Variants in THADA observed in about 807,000 individuals in gnomAD.
THADA encodes tRNA (32-2'-O)-methyltransferase regulator THADA.
Under a neutral mutation model 219.8 loss-of-function variants are expected in THADA, and 213 were observed. The observed-to-expected ratio is 0.97, with a 90% CI of 0.87 to 1.09. The LOEUF (loss-of-function observed/expected upper bound fraction) is 1.09, where lower values mean the gene tolerates loss of function less well. Ranked by LOEUF, THADA falls within the 50% of genes least tolerant of loss-of-function variation. THADA has a pLI of 0.00. For missense variants in THADA, 2,956 were observed against 2,311.3 expected (o/e 1.28, Z -5.72); for synonymous variants, 1,018 against 828.9 (o/e 1.23, Z -3.92).
At chr2:43,399,408 A>G (rs1435174524) in intron 28 of THADA, among the ~76,000 whole-genome samples, 3 of 152,228 alleles carry the variant, frequency 2.0e-5, no homozygotes, top group Non-Finnish European at 4.4e-5. Context: ...GCCCTACAAT[A>G]GCAATGTTTC....
intron 29 of THADA, among the ~76,000 whole-genome samples, chr2:43,382,531 C>A (rs771556990): frequency 7.2e-5 from 11 of 151,890 alleles, no homozygotes; most frequent in Non-Finnish European, 1.6e-4. Context: ...CAAGAAATAC[C>A]AAGCAAAAGA....
chr2:43,592,460 A>G lies in THADA; in HGVS notation c.-24-44T>C. 1.5e-5 allele frequency: 17 copies of G among 1,152,276 alleles called. No individual in the cohort carries two copies. In the South Asian group the frequency reaches 2.2e-4, roughly 15 times the overall value. The allele number at this position is 1,152,276 out of a possible 1,614,324, so 71.4% of individuals were successfully genotyped here. A position where few individuals can be genotyped will look rare whatever the true frequency, so the allele number is the denominator to read the frequency against. ...TAAGGCATTAATGTAAGGTTTCTCA[A>G]CCTCAGCACTATGATTTTTGGCTGG... On this transcript the variant is annotated intron_variant, in intron 1 of 37. Transcript: ENST00000405975.
At chr2:43,360,052 T>G (rs10209184) in intron 29 of THADA, among the ~76,000 whole-genome samples, 1,674 of 152,156 alleles carry the variant, frequency 0.011, 27 homozygotes, top group African/African-American at 0.038. Context: ...CAAAGTGCAA[T>G]TATCAGTCTA....
At chr2:43,335,106 TG>T (rs1337090589) in intron 30 of THADA, among the ~76,000 whole-genome samples, 3 of 152,136 alleles carry the variant, frequency 2.0e-5, no homozygotes, top group African/African-American at 7.2e-5. Context: ...CCCTGGGAGC[TG>T]GTCAAAATGG....
chr2:43,285,472 G>A (rs900193065), intron 35 of THADA, among the ~76,000 whole-genome samples: 3 of 152,088 alleles, frequency 2.0e-5, no homozygotes, highest in East Asian at 3.9e-4. Context: ...TAATTGTTAA[G>A]TTTCCTGAGG....
intron 22 of THADA, among the ~76,000 whole-genome samples, chr2:43,520,713 T>TATATATATACACACACACACAC (rs1218079783): frequency 8.0e-6 from 1 of 125,050 alleles, no homozygotes; most frequent in African/African-American, 3.0e-5. Flanking sequence ...TATATATATA[T>TATATATATACACACACACACAC]ACACACACAC....
At chr2:43,314,726 C>T (rs1677882560) in intron 31 of THADA, among the ~76,000 whole-genome samples, 1 of 152,174 alleles carries the variant, frequency 6.6e-6, no homozygotes, top group Non-Finnish European at 1.5e-5. Context: ...TCAACTACAA[C>T]TGGACACTAT....
chr2:43,458,628 C>A (rs190031794), intron 26 of THADA, among the ~76,000 whole-genome samples: 3 of 152,278 alleles, frequency 2.0e-5, no homozygotes, highest in Non-Finnish European at 4.4e-5. Context: ...TGATCACCAA[C>A]ATTTTCATCC....
intron 28 of THADA, among the ~76,000 whole-genome samples, chr2:43,419,022 C>T (rs1488477553): frequency 6.6e-6 from 1 of 152,148 alleles, no homozygotes; most frequent in African/African-American, 2.4e-5. Flanking sequence ...CACAGACCAC[C>T]TTTTCCTAGA....
chr2:43,571,558 G>T, intron 13 of THADA, 149 bp downstream of exon 13: 1 of 672,134 alleles, frequency 1.5e-6, no homozygotes, highest in Non-Finnish European at 2.4e-6. Context: ...TGGAATGAGA[G>T]AACAGGTCAC....
chr2:43,504,080 A>T (rs1382346613), intron 24 of THADA, among the ~76,000 whole-genome samples: 1 of 152,188 alleles, frequency 6.6e-6, no homozygotes, highest in South Asian at 2.1e-4. Flanking sequence ...ATAAAAAAAA[A>T]AACTGAACTC....
intron 26 of THADA, among the ~76,000 whole-genome samples, chr2:43,435,465 G>A (rs1340967044): frequency 7.2e-6 from 1 of 138,842 alleles, no homozygotes; most frequent in African/African-American, 2.6e-5. Flanking sequence ...AGGAAGGGAG[G>A]AAGGAAGGGA....
At chr2:43,480,825 A>AG (rs984047845) in intron 26 of THADA, among the ~76,000 whole-genome samples, 23 of 129,494 alleles carry the variant, frequency 1.8e-4, no homozygotes, top group South Asian at 1.2e-3. Flanking sequence ...CTTGGGGGGG[A>AG]AAAAAAAAAA....
intron 28 of THADA, among the ~76,000 whole-genome samples, chr2:43,416,904 T>C (rs1677052178): frequency 6.6e-6 from 1 of 152,210 alleles, no homozygotes; most frequent in South Asian, 2.1e-4. Flanking sequence ...CTTCCTTTCA[T>C]ACTATTCAGT....
At chr2:43,243,654 C>A (rs1440292902) in intron 36 of THADA, among the ~76,000 whole-genome samples, 3 of 152,170 alleles carry the variant, frequency 2.0e-5, no homozygotes, top group African/African-American at 7.2e-5. Flanking sequence ...GAAGCAGCCC[C>A]TTCCCAGGCA....
At chr2:43,534,295 T>C (rs1349795499) in intron 21 of THADA, among the ~76,000 whole-genome samples, 1 of 152,180 alleles carries the variant, frequency 6.6e-6, no homozygotes, top group African/African-American at 2.4e-5. Context: ...TTATCCATCA[T>C]TTCAAACACT....
chr2:43,503,376 G>A (rs1176915256), intron 24 of THADA, among the ~76,000 whole-genome samples: 2 of 152,188 alleles, frequency 1.3e-5, no homozygotes, highest in African/African-American at 2.4e-5. Context: ...GTGAACAGGG[G>A]CTGAACAGGA....
intron 28 of THADA, among the ~76,000 whole-genome samples, chr2:43,416,548 G>A (rs1676998015): frequency 6.6e-6 from 1 of 152,178 alleles, no homozygotes; most frequent in South Asian, 2.1e-4. Context: ...GTAGGACTGA[G>A]AGTTTTCAAC....
intron 21 of THADA, among the ~76,000 whole-genome samples, chr2:43,531,733 T>C (rs1693901028): frequency 6.6e-6 from 1 of 152,206 alleles, no homozygotes; most frequent in African/African-American, 2.4e-5. Flanking sequence ...CTCAATTGCC[T>C]ATTAGATACC....
Sources: gnomAD v4.1 joint callset for allele counts (sites outside exome capture counted in the v4.1 genomes callset) on GRCh38, gnomAD v4.1.1 for gene constraint, MANE v1.5 for transcripts, NCBI Gene and HGNC (gene_info 2026-07-23, HGNC 2026-07-21) for gene names.